GABRB2: variants seen among roughly 807,000 people sequenced by gnomAD.
The protein encoded by GABRB2 is gamma-aminobutyric acid receptor subunit beta-2.
Under a neutral mutation model 54.7 loss-of-function variants are expected in GABRB2, and 16 were observed. The observed-to-expected ratio is 0.29, with a 90% CI of 0.20 to 0.44. The LOEUF is 0.44. GABRB2 is among the 20% of genes least tolerant of loss of function. The probability of loss-of-function intolerance (pLI) is 1.00; values close to 1 mark genes in which losing one functional copy is unlikely to be tolerated. For synonymous variants in GABRB2, 244 were observed against 233.8 expected (o/e 1.04, Z -0.40); for missense variants, 355 against 644.0 (o/e 0.55, Z 4.86).
intron 5 of GABRB2, among the ~76,000 whole-genome samples, chr5:161,339,262 A>C (rs1754083380): frequency 1.3e-5 from 2 of 152,194 alleles, no homozygotes; most frequent in Admixed American, 1.3e-4. Flanking sequence ...AGTCTAACCA[A>C]GATTCTCCTT....
At position 161,529,276 on chromosome 5, in the gene GABRB2, C is replaced by T. The variant is rs140609040; in HGVS notation, c.237+15951G>A. Among the ~76,000 whole-genome samples, 497 of 151,982 alleles carry T rather than the reference C, an allele frequency of 3.3e-3. 4 individuals are homozygous for T. The highest frequency in any genetic ancestry group is 0.011 in the African/African-American group (465 of 41,510). ...ACAATAGTACAGATTTTATTATTTA[C>T]GTTCTATTTGTTCGATTTATGTGGG... On this transcript the variant is annotated intron_variant, in intron 3 of 9. Transcript: ENST00000393959.
chr5:161,459,406 T>C (rs1193363731), intron 4 of GABRB2: 3 of 571,940 alleles, frequency 5.2e-6, no homozygotes, highest in Non-Finnish European at 9.4e-6. Context: ...CAGCAGCTGA[T>C]ATTGGAAGAT....
chr5:161,323,861 C>T (rs1013926705), intron 9 of GABRB2, among the ~76,000 whole-genome samples: 2 of 152,156 alleles, frequency 1.3e-5, no homozygotes, highest in South Asian at 2.1e-4. Context: ...TGTAAACTAT[C>T]ATAGAACCTT....
intron 5 of GABRB2, among the ~76,000 whole-genome samples, chr5:161,369,297 G>A (rs1311624001): frequency 6.6e-6 from 1 of 152,148 alleles, no homozygotes; most frequent in African/African-American, 2.4e-5. Context: ...CAATCAAGGA[G>A]TTTTAAGAGC....
In GABRB2 at chr5:161,498,350, GTT is replaced by G. The variant is rs33983588; in HGVS notation, c.238-38508_238-38507del. 2.0e-3 allele frequency among the ~76,000 whole-genome samples: 294 copies of G among 148,384 alleles called. 3 individuals are homozygous for G. The East Asian group carries it at 0.025, about 12-fold the overall frequency. Reference sequence around the variant, plus strand: ...AGTTGAGACAGAGTCAAAATCTTTAGTTTTTTTTTTTTAGCTATACTTAAAAT... The same window carrying G: ...AGTTGAGACAGAGTCAAAATCTTTAGTTTTTTTTTTAGCTATACTTAAAAT... On this transcript the variant is annotated intron_variant, in intron 3 of 9. Transcript: ENST00000393959.
chr5:161,381,445 G>T (rs1447208400), intron 5 of GABRB2, among the ~76,000 whole-genome samples: 1 of 152,138 alleles, frequency 6.6e-6, no homozygotes, highest in African/African-American at 2.4e-5. Context: ...TAAGGCAAGA[G>T]AAAGACTCAG....
chr5:161,326,645 T>A (rs1388369801), intron 8 of GABRB2, among the ~76,000 whole-genome samples, 164 bp from the exon 9 acceptor site: 1 of 152,138 alleles, frequency 6.6e-6, no homozygotes, highest in Non-Finnish European at 1.5e-5. Context: ...TTAAAAAATG[T>A]TTTGTTTTAA....
At chr5:161,339,236 C>T (rs554983427) in intron 5 of GABRB2, among the ~76,000 whole-genome samples, 13 of 152,134 alleles carry the variant, frequency 8.5e-5, no homozygotes, top group Non-Finnish European at 1.5e-4. Flanking sequence ...AGATGGTAAT[C>T]ATTTCCCATG....
intron 3 of GABRB2, among the ~76,000 whole-genome samples, chr5:161,519,860 G>A (rs1193969339): frequency 1.3e-5 from 2 of 152,082 alleles, no homozygotes; most frequent in Non-Finnish European, 2.9e-5. Context: ...GATGTAAAAT[G>A]TAAGTCTAAG....
At chr5:161,316,102 A>C (rs1463586377) in intron 9 of GABRB2, among the ~76,000 whole-genome samples, 1 of 152,218 alleles carries the variant, frequency 6.6e-6, no homozygotes, top group African/African-American at 2.4e-5. Flanking sequence ...GATGAAATGC[A>C]GACAAGGAAA....
chr5:161,498,561 A>T (rs766522200), intron 3 of GABRB2, among the ~76,000 whole-genome samples: 4 of 152,032 alleles, frequency 2.6e-5, no homozygotes, highest in Non-Finnish European at 5.9e-5. Context: ...CTTCAATACT[A>T]CCTTATCAAT....
At chr5:161,394,309 G>T (rs182801857) in intron 5 of GABRB2, among the ~76,000 whole-genome samples, 77 of 151,668 alleles carry the variant, frequency 5.1e-4, no homozygotes, top group African/African-American at 1.7e-3. Flanking sequence ...AAAAAATCTA[G>T]AAAATAATAA....
chr5:161,383,423 A>C (rs1383599156), intron 5 of GABRB2, among the ~76,000 whole-genome samples: 2 of 152,122 alleles, frequency 1.3e-5, no homozygotes, highest in Admixed American at 1.3e-4. Flanking sequence ...ACATATAATC[A>C]AGAAAATAAC....
chr5:161,459,556 T>G (rs1385017366), intron 4 of GABRB2, 68 bp downstream of exon 4: 1 of 1,274,346 alleles, frequency 7.8e-7, no homozygotes, highest in South Asian at 1.2e-5. Flanking sequence ...GCACAATATT[T>G]CCATCCAATG....
chr5:161,430,034 A>G (rs1341734870), intron 4 of GABRB2, among the ~76,000 whole-genome samples: 1 of 152,226 alleles, frequency 6.6e-6, no homozygotes, highest in Non-Finnish European at 1.5e-5. Flanking sequence ...GTCAAATAAA[A>G]TAGTTATATG....
intron 9 of GABRB2, among the ~76,000 whole-genome samples, chr5:161,322,234 GTTA>G (rs984677016): frequency 6.6e-6 from 1 of 152,006 alleles, no homozygotes; most frequent in African/African-American, 2.4e-5. Flanking sequence ...AGTTTATTAT[GTTA>G]TTATTATTAT....
intron 4 of GABRB2, 25 bp downstream of exon 4, chr5:161,459,599 A>T (rs748757069): frequency 1.8e-5 from 28 of 1,579,474 alleles, no homozygotes; most frequent in Non-Finnish European, 2.4e-5. Flanking sequence ...AGGAAAAGTT[A>T]TATTTTGAAT....
Position 161,288,790 on chromosome 5 carries a change from A to G in GABRB2, c.*5291T>C, listed in dbSNP as rs1313375167. Reference sequence around the variant, plus strand: ...TATCACTTTTTTTTTTTATAAAAGGACAATTTAGAACTGTGCAGGGACAAT... The same window carrying G: ...TATCACTTTTTTTTTTTATAAAAGGGCAATTTAGAACTGTGCAGGGACAAT... On this transcript the variant is annotated 3_prime_UTR_variant, in exon 10 of 10. Coordinates refer to ENST00000393959, the MANE Select transcript of GABRB2 (RefSeq NM_001371727.1). 6.6e-6 allele frequency: 1 copy of G among 152,126 alleles called. No individual in the cohort carries two copies. Among genetic ancestry groups the G allele is most frequent in the African/African-American group, 2.4e-5 (1 of 41,404 alleles). The allele number at this position is 152,126 out of a possible 1,614,324, so 9.4% of individuals were successfully genotyped here. A position where few individuals can be genotyped will look rare whatever the true frequency, so the allele number is the denominator to read the frequency against.
chr5:161,338,081 A>G (rs1274332564), intron 5 of GABRB2, among the ~76,000 whole-genome samples: 1 of 152,200 alleles, frequency 6.6e-6, no homozygotes, highest in Non-Finnish European at 1.5e-5. Flanking sequence ...TCCTCCAAAG[A>G]GAGGGAGTTC....
Sources: gnomAD v4.1 joint callset for allele counts (sites outside exome capture counted in the v4.1 genomes callset) on GRCh38, gnomAD v4.1.1 for gene constraint, MANE v1.5 for transcripts, NCBI Gene and HGNC (gene_info 2026-07-23, HGNC 2026-07-21) for gene names.